Variants in PRKCB observed in about 807,000 individuals in gnomAD.
The protein encoded by PRKCB is protein kinase C beta type.
Under a neutral mutation model 81.5 loss-of-function variants are expected in PRKCB, and 13 were observed. The ratio of observed to expected loss-of-function variants is 0.16; its 90% CI spans 0.10 to 0.25. The LOEUF (loss-of-function observed/expected upper bound fraction) is 0.25. Ranked by LOEUF, PRKCB falls within the 10% of genes least tolerant of loss-of-function variation. The pLI is 1.00. For synonymous variants in PRKCB, 335 were observed against 321.4 expected, an observed-to-expected ratio of 1.04 and a Z score of -0.45; for missense variants, 509 against 875.7, an observed-to-expected ratio of 0.58 and a Z score of 5.29.
chr16:23,878,384 G>T (rs1340912301), intron 2 of PRKCB, among the ~76,000 whole-genome samples: 2 of 152,146 alleles, frequency 1.3e-5, no homozygotes, highest in Non-Finnish European at 2.9e-5. Flanking sequence ...ACTCGTGCCT[G>T]ATCAAAGCTT....
At chr16:23,886,387 G>A (rs1597228464) in intron 2 of PRKCB, among the ~76,000 whole-genome samples, 2 of 143,660 alleles carry the variant, frequency 1.4e-5, no homozygotes, top group Admixed American at 7.1e-5. Context: ...TGCGAGGGTT[G>A]GACTATGGTG....
At chr16:24,182,902 T>TGTGTGTGTGTGTGTGTGTGTGTGTGTGTG (rs56902454) in intron 13 of PRKCB, among the ~76,000 whole-genome samples, 49 of 151,514 alleles carry the variant, frequency 3.2e-4, no homozygotes, top group African/African-American at 6.1e-4. Flanking sequence ...TGTGTGTGTG[T>TGTGTGTGTGTGTGTGTGTGTGTGTGTGTG]TTGAGACAGG....
At chr16:24,022,851 T>C (rs1965423887) in intron 3 of PRKCB, among the ~76,000 whole-genome samples, 1 of 152,152 alleles carries the variant, frequency 6.6e-6, no homozygotes, top group Non-Finnish European at 1.5e-5. Flanking sequence ...TTATTTGGAT[T>C]TCTAAGAAGC....
intron 10 of PRKCB, among the ~76,000 whole-genome samples, chr16:24,163,420 C>T (rs1035981342): frequency 6.6e-6 from 1 of 152,140 alleles, no homozygotes; most frequent in Admixed American, 6.5e-5. Context: ...GAAATGCAAC[C>T]CAGGCAAATA....
At position 24,120,002 on chromosome 16, in the gene PRKCB, G is replaced by A. The variant is rs535517731; in HGVS notation, c.919-3833G>A. Among the ~76,000 whole-genome samples, 28 of 152,286 alleles carry A rather than the reference G, an allele frequency of 1.8e-4. No homozygotes were observed. The South Asian group carries it at 4.4e-3, about 24-fold the overall frequency. On this transcript the variant is annotated intron_variant, in intron 8 of 16. Coordinates refer to ENST00000643927, the MANE Select transcript of PRKCB (RefSeq NM_002738.7). ...GAGACGGGATAAACATCAACAATGA[G>A]TGCCATTCAGCAATACAAAGAGACA...
intron 2 of PRKCB, among the ~76,000 whole-genome samples, chr16:23,951,171 A>C (rs1476855111): frequency 1.3e-5 from 2 of 152,216 alleles, no homozygotes; most frequent in Non-Finnish European, 2.9e-5. Flanking sequence ...AAGATGAATA[A>C]TGAGAGCAAT....
chr16:23,878,487 C>T (rs1001415555), intron 2 of PRKCB, among the ~76,000 whole-genome samples: 5 of 152,134 alleles, frequency 3.3e-5, no homozygotes, highest in African/African-American at 9.7e-5. Context: ...TTTACAGCAA[C>T]GTCACCCTCA....
At chr16:24,019,710 G>A (rs1452838659) in intron 3 of PRKCB, among the ~76,000 whole-genome samples, 2 of 151,484 alleles carry the variant, frequency 1.3e-5, no homozygotes, top group African/African-American at 4.9e-5. Flanking sequence ...GCTGCAGTGA[G>A]CCGAGATTGC....
Position 23,988,582 on chromosome 16 carries a change from G to A in PRKCB, c.280G>A (p.Ala94Thr). Reference sequence around the variant, plus strand: ...CTGCCCTGGCGCTGACAAGGGTCCAGCCTCCGATGTAAGTAATGGGCATCG... The same window carrying A: ...CTGCCCTGGCGCTGACAAGGGTCCAACCTCCGATGTAAGTAATGGGCATCG... Reference protein sequence around the residue: ...FSCPGADKGPASDDPRSKHKF... With the variant: ...FSCPGADKGPTSDDPRSKHKF... Residue 94 changes from alanine to threonine, a missense_variant, in exon 3 of 17, where the codon GCC (alanine) becomes ACC (threonine). Ala to Thr is a moderately conservative substitution (Grantham distance 58, BLOSUM62 0). Around this residue, in one of 6 missense-constraint regions of PRKCB, gnomAD observed 184 missense variants for 362.9 expected, o/e 0.51. Transcript: ENST00000643927. 6.2e-7 allele frequency: 1 copy of A among 1,614,002 alleles called. No individual in the cohort carries two copies. The highest frequency in any genetic ancestry group is 1.1e-5 in the South Asian group (1 of 91,074).
At chr16:23,999,027 A>G (rs568227124) in intron 3 of PRKCB, among the ~76,000 whole-genome samples, 1 of 152,358 alleles carries the variant, frequency 6.6e-6, no homozygotes, top group African/African-American at 2.4e-5. Flanking sequence ...CAAAAAGGTC[A>G]GTTGGCACCA....
chr16:24,137,127 G>A (rs1421790110), intron 9 of PRKCB, among the ~76,000 whole-genome samples: 4 of 151,030 alleles, frequency 2.6e-5, no homozygotes, highest in Non-Finnish European at 5.9e-5. Context: ...GACCTCAAAT[G>A]ATCCATCTGC....
chr16:24,123,736 G>A (rs1223009664), intron 8 of PRKCB, 99 bp from the exon 9 acceptor site: 19 of 1,286,656 alleles, frequency 1.5e-5, no homozygotes, highest in South Asian at 2.8e-5. Context: ...ACAGGGTGCC[G>A]GAGCTGCAGG....
intron 2 of PRKCB, among the ~76,000 whole-genome samples, chr16:23,930,958 G>A (rs764026150): frequency 1.3e-5 from 2 of 152,234 alleles, no homozygotes; most frequent in Non-Finnish European, 2.9e-5. Context: ...AAAGCAGGCA[G>A]CAGAGCTGAT....
chr16:24,191,565 A>G (rs1967794641), intron 16 of PRKCB: 1 of 191,262 alleles, frequency 5.2e-6, no homozygotes, highest in African/African-American at 2.3e-5. Flanking sequence ...TAAAGGATCT[A>G]ATTTTGCCCT....
intron 9 of PRKCB, among the ~76,000 whole-genome samples, chr16:24,126,708 T>C (rs1161441938): frequency 6.6e-6 from 1 of 151,784 alleles, no homozygotes; most frequent in Non-Finnish European, 1.5e-5. Context: ...CTAATTTTTG[T>C]AGTTTTTAAT....
chr16:24,096,121 C>A (rs1047256423), intron 7 of PRKCB, among the ~76,000 whole-genome samples: 2 of 152,026 alleles, frequency 1.3e-5, no homozygotes, highest in Non-Finnish European at 2.9e-5. Flanking sequence ...CATGGTGAAA[C>A]CCTGTCTGTA....
intron 8 of PRKCB, among the ~76,000 whole-genome samples, chr16:24,115,672 G>A (rs1416892490): frequency 6.6e-6 from 1 of 152,010 alleles, no homozygotes; most frequent in African/African-American, 2.4e-5. Flanking sequence ...AAAGATTTTA[G>A]CATTTATCCC....
chr16:24,122,135 T>C (rs1464730978), intron 8 of PRKCB, among the ~76,000 whole-genome samples: 1 of 152,192 alleles, frequency 6.6e-6, no homozygotes, highest in Non-Finnish European at 1.5e-5. Context: ...AGAGCAATTT[T>C]ATGTAGGGTG....
chr16:23,837,449 G>A (rs758721130), intron 2 of PRKCB, 43 bp downstream of exon 2: 6 of 1,588,386 alleles, frequency 3.8e-6, no homozygotes, highest in Non-Finnish European at 4.3e-6. Context: ...GGGAAGAGAG[G>A]GTGAAAAATA....
Sources: allele counts gnomAD v4.1 joint callset (sites outside exome capture counted in the v4.1 genomes callset), GRCh38; gene constraint gnomAD v4.1.1; regional missense constraint gnomAD v4.1.1; transcripts MANE v1.5; gene names NCBI Gene and HGNC (gene_info 2026-07-23, HGNC 2026-07-21).